The following COL23A1 variants were observed in gnomAD, a reference collection of about 807,000 sequenced individuals.
The protein encoded by COL23A1 is collagen type XXIII alpha 1 chain.
Under a neutral mutation model 99.3 loss-of-function variants are expected in COL23A1, and 97 were observed. The observed-to-expected ratio is 0.98, with a 90% CI of 0.83 to 1.16. The LOEUF (loss-of-function observed/expected upper bound fraction) is 1.16. Among genes scored for constraint, COL23A1 ranks in the 50% most tolerant of loss-of-function variants. COL23A1 has a pLI of 0.00. For synonymous variants in COL23A1, 320 were observed against 308.2 expected (o/e 1.04, Z -0.40); for missense variants, 762 against 757.4 (o/e 1.01, Z -0.07).
rs76854361 is a variant in COL23A1, at chr5:178,308,728, G to A, written c.362-1809C>T. On this transcript the variant is annotated intron_variant, in intron 2 of 28. Coordinates refer to ENST00000390654, the MANE Select transcript of COL23A1 (RefSeq NM_173465.4). This position sits in a 1 kb window ranked among gnomAD's most constrained non-coding sequence, Gnocchi z 5.1. ...TGGTCTCCTCCCCAGTGCCCTGTGC[G>A]GGGCTGATGGTGCCTGGGAACCTCC... 3.1e-4 allele frequency among the ~76,000 whole-genome samples: 47 copies of A among 152,276 alleles called. 2 individuals carry two copies. The East Asian group carries it at 7.1e-3, about 23-fold the overall frequency.
chr5:178,359,535 A>G lies in COL23A1; in HGVS notation c.362-52616T>C, dbSNP rs370441810. Among the ~76,000 whole-genome samples, 51 of 152,298 alleles carry G rather than the reference A, an allele frequency of 3.3e-4. No individual in the cohort carries two copies. In the South Asian group the frequency reaches 0.01, roughly 30 times the overall value. ...AGAGCGAAACTCTTGTCTCAAAAAA[A>G]AGATCATGAAGGGACTGTCATGGCC... On this transcript the variant is annotated intron_variant, in intron 2 of 28. Transcript: ENST00000390654.
chr5:178,401,503 AT>A (rs1385498892), intron 2 of COL23A1, among the ~76,000 whole-genome samples: 1 of 152,214 alleles, frequency 6.6e-6, no homozygotes, highest in Non-Finnish European at 1.5e-5. Flanking sequence ...GTTCCTGTTT[AT>A]TGCTGCATAG....
At chr5:178,546,969 A>G (rs2113398901) in intron 2 of COL23A1, among the ~76,000 whole-genome samples, 1 of 152,250 alleles carries the variant, frequency 6.6e-6, no homozygotes, top group Non-Finnish European at 1.5e-5. Context: ...GAGAAGCCGG[A>G]GGGAAGCCGC....
At chr5:178,265,543 G>T in intron 8 of COL23A1, 1 of 358,374 alleles carries the variant, frequency 2.8e-6, no homozygotes, top group Non-Finnish European at 3.9e-6. Flanking sequence ...TGGCCAGCCT[G>T]CCTGCTCCTC....
At chr5:178,252,724 G>A in intron 16 of COL23A1, 127 bp from the exon 17 acceptor site, 3 of 759,144 alleles carry the variant, frequency 4.0e-6, no homozygotes. Flanking sequence ...GGTCCTTGGG[G>A]ACTGCTTCTT....
At chr5:178,531,203 T>C (rs1038745323) in intron 2 of COL23A1, among the ~76,000 whole-genome samples, 3 of 152,198 alleles carry the variant, frequency 2.0e-5, no homozygotes, top group Non-Finnish European at 4.4e-5. Flanking sequence ...TTTGGGATCA[T>C]TTGTACCACA....
At chr5:178,469,324 T>C (rs1290573571) in intron 2 of COL23A1, among the ~76,000 whole-genome samples, 1 of 152,152 alleles carries the variant, frequency 6.6e-6, no homozygotes, top group Non-Finnish European at 1.5e-5. Context: ...CCTGGGACAC[T>C]GCGCAGTGAG....
At chr5:178,454,282 T>C (rs937092099) in intron 2 of COL23A1, among the ~76,000 whole-genome samples, 110 of 152,134 alleles carry the variant, frequency 7.2e-4, no homozygotes, top group Non-Finnish European at 7.6e-4. Context: ...AGTACTTCAT[T>C]CAAACGTTTT....
chr5:178,333,691 C>T lies in COL23A1; in HGVS notation c.362-26772G>A, dbSNP rs1379734412. On this transcript the variant is annotated intron_variant, in intron 2 of 28. Coordinates refer to ENST00000390654, the MANE Select transcript of COL23A1 (RefSeq NM_173465.4). ...TGGTGATCATCAGGGCCTCTGCCCC[C>T]AGGCCGGGCCTGGGAGGACGTCCAT... 2.6e-5 allele frequency among the ~76,000 whole-genome samples: 4 copies of T among 152,254 alleles called. No homozygotes were observed. The East Asian group carries it at 7.8e-4, about 30-fold the overall frequency.
intron 3 of COL23A1, among the ~76,000 whole-genome samples, chr5:178,301,973 G>C (rs1581112335): frequency 2.7e-5 from 1 of 37,018 alleles, no homozygotes; most frequent in South Asian, 4.5e-4. Context: ...TGTGTGCGCC[G>C]GAGCACAGCC....
chr5:178,240,343 G>T (rs987483698), intron 27 of COL23A1, among the ~76,000 whole-genome samples: 5 of 151,872 alleles, frequency 3.3e-5, no homozygotes, highest in South Asian at 4.1e-4. Context: ...GGTGGGGAGG[G>T]GGGCAGAATG....
intron 2 of COL23A1, among the ~76,000 whole-genome samples, chr5:178,416,115 G>A (rs370222857): frequency 9.9e-5 from 15 of 151,090 alleles, no homozygotes; most frequent in East Asian, 9.7e-4. Context: ...TCATTCATTC[G>A]CTCGTTGACT....
At position 178,340,910 on chromosome 5, in the gene COL23A1, C is replaced by T. The variant is rs556870531; in HGVS notation, c.362-33991G>A. Among the ~76,000 whole-genome samples the T allele has an allele frequency of 2.0e-5, 3 of 152,358 alleles. No individual in the cohort carries two copies. The highest frequency in any genetic ancestry group is 2.1e-4 in the South Asian group (1 of 4,832). Reference sequence around the variant, plus strand: ...GGGCGCGGGGCTCAAGGTCAGACCCCGCAGGGGTGGCTGTCCTGCCAGGCA... The same window carrying T: ...GGGCGCGGGGCTCAAGGTCAGACCCTGCAGGGGTGGCTGTCCTGCCAGGCA... On this transcript the variant is annotated intron_variant, in intron 2 of 28. Coordinates refer to ENST00000390654, the MANE Select transcript of COL23A1 (RefSeq NM_173465.4). The surrounding 1 kb of genome is among the most constrained non-coding windows in gnomAD (Gnocchi z 4.7).
intron 2 of COL23A1, among the ~76,000 whole-genome samples, chr5:178,498,224 A>ATATATATATATATATATATT (rs1758309323): frequency 2.3e-5 from 2 of 86,118 alleles, no homozygotes; most frequent in African/African-American, 1.2e-4. Flanking sequence ...ATATATATAT[A>ATATATATATATATATATATT]TATATATATA....
At chr5:178,447,333 A>G (rs1767217823) in intron 2 of COL23A1, among the ~76,000 whole-genome samples, 1 of 152,132 alleles carries the variant, frequency 6.6e-6, no homozygotes, top group Non-Finnish European at 1.5e-5. Context: ...ACCTCAAGTG[A>G]TATGCCCACC....
chr5:178,557,651 G>A (rs966314517), intron 2 of COL23A1, among the ~76,000 whole-genome samples: 4 of 152,146 alleles, frequency 2.6e-5, no homozygotes, highest in Non-Finnish European at 4.4e-5. Context: ...GGGGAGCTGC[G>A]GCCAGCTATA....
At chr5:178,357,433 C>T (rs1305058980) in intron 2 of COL23A1, among the ~76,000 whole-genome samples, 9 of 152,228 alleles carry the variant, frequency 5.9e-5, no homozygotes, top group Non-Finnish European at 1.5e-5. Flanking sequence ...TCAGGCCGGG[C>T]ATGCAGGCTC....
In COL23A1 at chr5:178,544,712, T is replaced by C. The variant is rs1761486831; in HGVS notation, c.361+15970A>G. Among the ~76,000 whole-genome samples, 1 of 152,078 alleles carries C rather than the reference T, an allele frequency of 6.6e-6. No individual in the cohort carries two copies. The highest frequency in any genetic ancestry group is 2.1e-4 in the South Asian group (1 of 4,826). On this transcript the variant is annotated intron_variant, in intron 2 of 28. Coordinates refer to ENST00000390654, the MANE Select transcript of COL23A1 (RefSeq NM_173465.4). This position sits in a 1 kb window ranked among gnomAD's most constrained non-coding sequence, Gnocchi z 4.4. Reference sequence around the variant, plus strand: ...CTTCCAGTCCTGTAAGTGGCAAAGCTCAGAGGCACTGTGGGCTCAGCCTCC... The same window carrying C: ...CTTCCAGTCCTGTAAGTGGCAAAGCCCAGAGGCACTGTGGGCTCAGCCTCC...
intron 8 of COL23A1, among the ~76,000 whole-genome samples, chr5:178,263,804 G>A (rs1009368013): frequency 4.6e-5 from 7 of 152,136 alleles, no homozygotes; most frequent in Non-Finnish European, 7.3e-5. Flanking sequence ...AAACTAATCC[G>A]AAAGTCCTTT....
Sources: allele counts gnomAD v4.1 joint callset (sites outside exome capture counted in the v4.1 genomes callset), GRCh38; gene constraint gnomAD v4.1.1; non-coding constraint Gnocchi (gnomAD v3.1); transcripts MANE v1.5; gene names NCBI Gene and HGNC (gene_info 2026-07-23, HGNC 2026-07-21).